Variants in SNAPC1 observed in about 807,000 individuals in gnomAD.
SNAPC1 encodes the protein small nuclear RNA activating complex polypeptide 1.
A neutral mutation model predicts 50.1 loss-of-function variants in SNAPC1; 42 were observed. That is an observed-to-expected ratio of 0.84 (90% CI 0.65 to 1.08). The LOEUF is 1.08. Among genes scored for constraint, SNAPC1 ranks in the 50% least tolerant of loss-of-function variants. The probability of loss-of-function intolerance (pLI) is 0.00; values close to 1 mark genes in which losing one functional copy is unlikely to be tolerated. For missense variants in SNAPC1, 477 were observed against 427.3 expected (o/e 1.12, Z -1.02); for synonymous variants, 164 against 144.2 (o/e 1.14, Z -0.98).
At chr14:61,772,496 G>T (rs550647522) in intron 4 of SNAPC1, among the ~76,000 whole-genome samples, 1 of 152,098 alleles carries the variant, frequency 6.6e-6, no homozygotes, top group Non-Finnish European at 1.5e-5. Flanking sequence ...ACCCACCTTG[G>T]CCTCCCAAAG....
At chr14:61,775,879 G>C (rs2045031755) in intron 4 of SNAPC1, among the ~76,000 whole-genome samples, 1 of 152,000 alleles carries the variant, frequency 6.6e-6, no homozygotes, top group Non-Finnish European at 1.5e-5. Context: ...TGTTTGTTGA[G>C]GTAAGTCAGT....
In SNAPC1 at chr14:61,762,526, C is replaced by T; in HGVS notation, c.66C>T (p.Asp22=). The part of the protein sequence containing the change: ...EALLSRFQET[D]SVRFEDFTEL... ...TGCTCAGCCGCTTCCAGGAGACGGA[C>T]AGTGTACGCTTCGAGGACTTCACGG... Residue 22 remains aspartate, a synonymous_variant, in exon 1 of 10, where the codon GAC becomes GAT. Coordinates refer to ENST00000216294, the MANE Select transcript of SNAPC1 (RefSeq NM_003082.4). The T allele has an allele frequency of 1.3e-6, 2 of 1,512,520 alleles. No individual in the cohort carries two copies. Among genetic ancestry groups the T allele is most frequent in the Non-Finnish European group, 1.8e-6 (2 of 1,119,538 alleles). The allele number at this position is 1,512,520 out of a possible 1,614,324, so 93.7% of individuals were successfully genotyped here. A position where few individuals can be genotyped will look rare whatever the true frequency, so the allele number is the denominator to read the frequency against.
At chr14:61,776,017 G>C (rs1356893448) in intron 4 of SNAPC1, 78 bp from the exon 5 acceptor site, 1 of 1,099,624 alleles carries the variant, frequency 9.1e-7, no homozygotes, top group East Asian at 2.5e-5. Flanking sequence ...TTTGGAAGGT[G>C]ACTATTTTGT....
Position 61,794,879 on chromosome 14 carries a change from T to A in SNAPC1, c.1073-70T>A, listed in dbSNP as rs574638602. 5.2e-5 allele frequency: 52 copies of A among 1,001,672 alleles called. No individual in the cohort carries two copies. The East Asian group carries it at 1.2e-3, about 24-fold the overall frequency. The allele number at this position is 1,001,672 out of a possible 1,614,324, so 62.0% of individuals were successfully genotyped here. A position where few individuals can be genotyped will look rare whatever the true frequency, so the allele number is the denominator to read the frequency against. ...TCAATTAGGTATTATCATGTAAGTG[T>A]CAGTTGTTTTTTTTGTTTGTTTTTT... On this transcript the variant is annotated intron_variant, in intron 9 of 9. Coordinates refer to ENST00000216294, the MANE Select transcript of SNAPC1 (RefSeq NM_003082.4).
Position 61,795,208 on chromosome 14 carries a change from C to G in SNAPC1, c.*225C>G, listed in dbSNP as rs182122227. ...ATGATTTGCATAAATGGAGATAAAA[C>G]TTGTATTTAGTATGTAATAGAAAAA... On this transcript the variant is annotated 3_prime_UTR_variant, in exon 10 of 10. Coordinates refer to ENST00000216294, the MANE Select transcript of SNAPC1 (RefSeq NM_003082.4). 2 of 485,270 alleles carry G rather than the reference C, an allele frequency of 4.1e-6. No individual in the cohort carries two copies. The highest frequency in any genetic ancestry group is 7.2e-6 in the Non-Finnish European group (2 of 278,166). The allele number at this position is 485,270 out of a possible 1,614,324, so 30.1% of individuals were successfully genotyped here.
At chr14:61,786,125 T>C (rs1179593194) in intron 8 of SNAPC1, among the ~76,000 whole-genome samples, 1 of 152,146 alleles carries the variant, frequency 6.6e-6, no homozygotes, top group East Asian at 1.9e-4. Flanking sequence ...CAATATCCCT[T>C]ATCTTATCCA....
chr14:61,766,951 T>A lies in SNAPC1; in HGVS notation c.204T>A (p.Pro68=), dbSNP rs537207506. 1 of 1,609,448 alleles carries A rather than the reference T, an allele frequency of 6.2e-7. No individual in the cohort carries two copies. The highest frequency in any genetic ancestry group is 1.7e-5 in the Admixed American group (1 of 59,998). The part of the protein sequence containing the change: ...ALALAWRYFL[P]PYTFQIRVGA... ...CTTTGGCTTGGCGATATTTTTTACC[T>A]CCATACACCTTCCAGATCAGAGTTG... Residue 68 remains proline, a synonymous_variant, in exon 2 of 10, where the codon CCT becomes CCA. Coordinates refer to ENST00000216294, the MANE Select transcript of SNAPC1 (RefSeq NM_003082.4).
intron 8 of SNAPC1, among the ~76,000 whole-genome samples, chr14:61,791,018 TG>T (rs562882856): frequency 5.4e-4 from 82 of 152,260 alleles, no homozygotes; most frequent in African/African-American, 1.9e-3. Flanking sequence ...TTTACTTTTT[TG>T]TTCCCTCCCG....
Position 61,778,884 on chromosome 14 carries a change from T to C in SNAPC1, c.799T>C (p.Ser267Pro), listed in dbSNP as rs2045052653. 6.4e-7 allele frequency: 1 copy of C among 1,563,214 alleles called. No individual in the cohort carries two copies. The highest frequency in any genetic ancestry group is 8.6e-7 in the Non-Finnish European group (1 of 1,159,194). Residue 267 changes from serine to proline, a missense_variant, in exon 7 of 10, where the codon TCA becomes CCA. Coordinates refer to ENST00000216294, the MANE Select transcript of SNAPC1 (RefSeq NM_003082.4). The stretch of plus-strand genomic sequence containing the variant: ...GGCAGAATCATTAGCGAAAATAAAA[T>C]CAAAGGCCTTTTCAGTTGTCATACA... ...ERAESLAKIK[S>P]KAFSVVIQAS...
chr14:61,765,519 G>A (rs1432368084), intron 1 of SNAPC1, among the ~76,000 whole-genome samples: 3 of 152,248 alleles, frequency 2.0e-5, no homozygotes, highest in African/African-American at 7.2e-5. Context: ...AAGACTGGAA[G>A]TGGGGAGGGA....
At chr14:61,776,324 G>A (rs778457321) in intron 5 of SNAPC1, 71 bp downstream of exon 5, 14 of 1,381,262 alleles carry the variant, frequency 1.0e-5, no homozygotes, top group Middle Eastern at 1.8e-4. Context: ...TGATAATGTT[G>A]GGAGGCAGCC....
intron 8 of SNAPC1, among the ~76,000 whole-genome samples, chr14:61,785,180 G>T (rs1034546947): frequency 1.3e-5 from 2 of 152,060 alleles, no homozygotes; most frequent in Non-Finnish European, 2.9e-5. Flanking sequence ...AGGCAGGTGG[G>T]TCACCTGAGG....
chr14:61,795,235 T>C lies in SNAPC1; in HGVS notation c.*252T>C, dbSNP rs1387730626. ...TGTATTTAGTATGTAATAGAAAAAA[T>C]TCTGTTATTCGCAGATTGTTACTAT... is the stretch of plus-strand genomic sequence containing the variant. On this transcript the variant is annotated 3_prime_UTR_variant, in exon 10 of 10. Transcript: ENST00000216294. 4.8e-6 allele frequency: 2 copies of C among 419,738 alleles called. No homozygotes were observed. Among genetic ancestry groups the C allele is most frequent in the East Asian group, 4.5e-5 (1 of 22,340 alleles). 26.0% of individuals were successfully genotyped at this position (419,738 alleles called of 1,614,324 possible). A position where few individuals can be genotyped will look rare whatever the true frequency, so the allele number is the denominator to read the frequency against.
intron 1 of SNAPC1, among the ~76,000 whole-genome samples, chr14:61,763,489 T>G (rs2044923977): frequency 7.7e-6 from 1 of 129,038 alleles, no homozygotes; most frequent in Non-Finnish European, 1.6e-5. Flanking sequence ...GCAGCTGCTT[T>G]TTTTTTTTTT....
intron 7 of SNAPC1, among the ~76,000 whole-genome samples, chr14:61,780,495 T>G (rs1441077494): frequency 6.6e-6 from 1 of 152,236 alleles, no homozygotes; most frequent in Non-Finnish European, 1.5e-5. Flanking sequence ...ATTACAGATG[T>G]GAGCCACTGT....
At chr14:61,781,273 C>T (rs147931995) in intron 7 of SNAPC1, among the ~76,000 whole-genome samples, 1,863 of 151,912 alleles carry the variant, frequency 0.012, 30 homozygotes, top group African/African-American at 0.043. Flanking sequence ...CACGGTGAAA[C>T]GCTATCTCTA....
chr14:61,790,682 CCTT>C (rs1423959148), intron 8 of SNAPC1, among the ~76,000 whole-genome samples: 1 of 152,058 alleles, frequency 6.6e-6, no homozygotes, highest in Non-Finnish European at 1.5e-5. Context: ...ATGTCCAAGA[CCTT>C]CTAGATAATA....
chr14:61,763,697 C>T (rs1464991205), intron 1 of SNAPC1, among the ~76,000 whole-genome samples: 1 of 151,974 alleles, frequency 6.6e-6, no homozygotes, highest in African/African-American at 2.4e-5. Flanking sequence ...TTTATGTCAC[C>T]GCTTTCCACA....
At chr14:61,778,307 T>C (rs1419806410) in intron 6 of SNAPC1, among the ~76,000 whole-genome samples, 167 bp downstream of exon 6, 2 of 152,192 alleles carry the variant, frequency 1.3e-5, no homozygotes, top group African/African-American at 4.8e-5. Flanking sequence ...ACATCAGGTG[T>C]AGATTGGGAG....
Sources: gnomAD v4.1 joint callset for allele counts (sites outside exome capture counted in the v4.1 genomes callset) on GRCh38, gnomAD v4.1.1 for gene constraint, MANE v1.5 for transcripts, NCBI Gene and HGNC (gene_info 2026-07-23, HGNC 2026-07-21) for gene names.